The following NEMP2 variants were observed in gnomAD, a reference collection of about 807,000 sequenced individuals.
NEMP2 encodes nuclear envelope integral membrane protein 2.
In NEMP2, 53 loss-of-function variants were observed where a neutral mutation model predicts 54.2. That is an observed-to-expected ratio of 0.98 (90% CI 0.78 to 1.23). The LOEUF is 1.23. Among genes scored for constraint, NEMP2 ranks in the 50% most tolerant of loss-of-function variants. The pLI is 0.00. For missense variants in NEMP2, 455 were observed against 511.3 expected, an observed-to-expected ratio of 0.89 and a Z score of 1.06; for synonymous variants, 197 against 190.3, an observed-to-expected ratio of 1.04 and a Z score of -0.29.
the NEMP2 span, among the ~76,000 whole-genome samples, chr2:190,462,541 AC>A: frequency 6.6e-6 from 1 of 152,208 alleles, no homozygotes; most frequent in African/African-American, 2.4e-5. This position sits in a 1 kb window ranked among gnomAD's most constrained non-coding sequence, Gnocchi z 5.7. Flanking sequence ...CTTTTTGAGT[AC>A]AAAGAGGAAG....
At chr2:190,608,896 C>T in the NEMP2 span, 8 of 152,172 alleles carry the variant, frequency 5.3e-5, no homozygotes, top group Admixed American at 1.3e-4. The surrounding 1 kb of genome is among the most constrained non-coding windows in gnomAD (Gnocchi z 4.9). Flanking sequence ...ATCAGAGGTA[C>T]GTATGTATAA....
chr2:190,611,251 CA>C, the NEMP2 span, among the ~76,000 whole-genome samples: 10 of 152,296 alleles, frequency 6.6e-5, no homozygotes, highest in East Asian at 1.7e-3. This position sits in a 1 kb window ranked among gnomAD's most constrained non-coding sequence, Gnocchi z 5.4. Flanking sequence ...GGAACACATA[CA>C]AATAACATAC....
chr2:190,437,157 C>T, the NEMP2 span: 29 of 1,614,100 alleles, frequency 1.8e-5, no homozygotes, highest in African/African-American at 2.7e-5. This position sits in a 1 kb window ranked among gnomAD's most constrained non-coding sequence, Gnocchi z 5.9. Flanking sequence ...TCGTCTTCGG[C>T]GTTCTCATGA....
the NEMP2 span, among the ~76,000 whole-genome samples, chr2:190,431,690 G>A: frequency 6.8e-4 from 97 of 141,732 alleles, 2 homozygotes; most frequent in South Asian, 0.019. The surrounding 1 kb of genome is among the most constrained non-coding windows in gnomAD (Gnocchi z 4.4). Flanking sequence ...CAGGGAGACC[G>A]TGGAAAGAGA....
chr2:190,506,494 A>G lies in NEMP2; in HGVS notation c.*2695T>C, dbSNP rs1186837404. On this transcript the variant is annotated 3_prime_UTR_variant, in exon 9 of 9. Coordinates refer to ENST00000409150, the MANE Select transcript of NEMP2 (RefSeq NM_001142645.2). The surrounding 1 kb of genome is among the most constrained non-coding windows in gnomAD (Gnocchi z 6.3). The stretch of plus-strand genomic sequence containing the variant: ...GATATTTTTATGTAATCCATCATCT[A>G]TTCCAAACCCTCTTAAAATCTAAAT... The G allele has an allele frequency of 2.0e-5, 3 of 152,212 alleles. No homozygotes were observed. Among genetic ancestry groups the G allele is most frequent in the Non-Finnish European group, 4.4e-5 (3 of 68,036 alleles). 9.4% of individuals were successfully genotyped at this position (152,212 alleles called of 1,614,324 possible). A position where few individuals can be genotyped will look rare whatever the true frequency, so the allele number is the denominator to read the frequency against.
chr2:190,535,400 TTAATG>T (rs1351797921), upstream of NEMP2, among the ~76,000 whole-genome samples: 1 of 152,216 alleles, frequency 6.6e-6, no homozygotes, highest in African/African-American at 2.4e-5. Context: ...AAAAAGTTTC[TTAATG>T]TAATAGATAT....
At chr2:190,580,203 AC>A in the NEMP2 span, among the ~76,000 whole-genome samples, 1 of 152,310 alleles carries the variant, frequency 6.6e-6, no homozygotes, top group East Asian at 1.9e-4. The surrounding 1 kb of genome is among the most constrained non-coding windows in gnomAD (Gnocchi z 5.3). Context: ...AACTCTAGGT[AC>A]CCTGGGCAAG....
At chr2:190,587,327 C>T in the NEMP2 span, among the ~76,000 whole-genome samples, 2 of 152,140 alleles carry the variant, frequency 1.3e-5, no homozygotes, top group Admixed American at 6.6e-5. The surrounding 1 kb of genome is among the most constrained non-coding windows in gnomAD (Gnocchi z 5.4). Flanking sequence ...CCTCCTGTAA[C>T]CCAAGCTGCT....
chr2:190,497,335 C>G, the NEMP2 span: 2 of 1,301,478 alleles, frequency 1.5e-6, no homozygotes, highest in Non-Finnish European at 2.1e-6. The surrounding 1 kb of genome is among the most constrained non-coding windows in gnomAD (Gnocchi z 5.2). Context: ...ATCAAGCACT[C>G]TGGAATGGGT....
At chr2:190,629,315 T>G in the NEMP2 span, among the ~76,000 whole-genome samples, 2 of 152,176 alleles carry the variant, frequency 1.3e-5, no homozygotes, top group Admixed American at 6.5e-5. Flanking sequence ...AAACTATGCA[T>G]AGATGTCAAA....
At chr2:190,616,003 C>G in the NEMP2 span, among the ~76,000 whole-genome samples, 1 of 152,192 alleles carries the variant, frequency 6.6e-6, no homozygotes, top group Non-Finnish European at 1.5e-5. The surrounding 1 kb of genome is among the most constrained non-coding windows in gnomAD (Gnocchi z 5.1). Flanking sequence ...TTCCTTTCTG[C>G]CTCCCTAGCT....
chr2:190,481,566 C>T, the NEMP2 span, among the ~76,000 whole-genome samples: 11 of 152,182 alleles, frequency 7.2e-5, no homozygotes, highest in African/African-American at 2.4e-4. Context: ...GCTCAGTCTG[C>T]GTCCCCTTTA....
At chr2:190,477,419 T>C in the NEMP2 span, 4 of 921,052 alleles carry the variant, frequency 4.3e-6, no homozygotes, top group South Asian at 5.0e-5. Context: ...ATTATAATAA[T>C]ACATGCATAT....
At chr2:190,604,134 A>T in the NEMP2 span, among the ~76,000 whole-genome samples, 1 of 152,218 alleles carries the variant, frequency 6.6e-6, no homozygotes, top group African/African-American at 2.4e-5. This position sits in a 1 kb window ranked among gnomAD's most constrained non-coding sequence, Gnocchi z 4.5. Context: ...CTACGTGTCC[A>T]TCGATAGGTG....
At chr2:190,448,064 A>G in the NEMP2 span, among the ~76,000 whole-genome samples, 1 of 152,152 alleles carries the variant, frequency 6.6e-6, no homozygotes, top group African/African-American at 2.4e-5. Context: ...TGATTGAGGT[A>G]CTTGCTGAGT....
the NEMP2 span, among the ~76,000 whole-genome samples, chr2:190,474,716 T>C: frequency 6.6e-6 from 1 of 152,230 alleles, no homozygotes; most frequent in Non-Finnish European, 1.5e-5. Context: ...ACTCATTTTA[T>C]GAGGCCAGCA....
the NEMP2 span, among the ~76,000 whole-genome samples, chr2:190,586,010 T>C: frequency 4.6e-5 from 7 of 152,196 alleles, no homozygotes; most frequent in Non-Finnish European, 1.0e-4. The surrounding 1 kb of genome is among the most constrained non-coding windows in gnomAD (Gnocchi z 4.5). Context: ...CAGAGAGTTG[T>C]TGGAAACTTT....
the NEMP2 span, chr2:190,497,859 T>G: frequency 1.0e-6 from 1 of 993,714 alleles, no homozygotes; most frequent in Non-Finnish European, 1.5e-6. The surrounding 1 kb of genome is among the most constrained non-coding windows in gnomAD (Gnocchi z 5.2). Context: ...ACAATTTCAG[T>G]ACTCTGTGAG....
the NEMP2 span, among the ~76,000 whole-genome samples, chr2:190,569,158 G>A: frequency 1.3e-5 from 2 of 152,194 alleles, no homozygotes; most frequent in African/African-American, 4.8e-5. Flanking sequence ...ACTTTGAGGA[G>A]CTATTTGGCT....
Sources: gnomAD v4.1 joint callset for allele counts (sites outside exome capture counted in the v4.1 genomes callset) on GRCh38, gnomAD v4.1.1 for gene constraint, Gnocchi (gnomAD v3.1) non-coding constraint, MANE v1.5 for transcripts, NCBI Gene and HGNC (gene_info 2026-07-23, HGNC 2026-07-21) for gene names.